The following KCNIP1 variants were observed in gnomAD, a reference collection of about 807,000 sequenced individuals.
KCNIP1 encodes the protein potassium voltage-gated channel interacting protein 1, also known as A-type potassium channel modulatory protein KCNIP1.
KCNIP1 carries 18 observed loss-of-function variants against 33.0 expected under a neutral mutation model. The ratio of observed to expected loss-of-function variants is 0.55; its 90% CI spans 0.38 to 0.81. KCNIP1 has a LOEUF of 0.81. Ranked by LOEUF, KCNIP1 falls within the 30% of genes least tolerant of loss-of-function variation. The pLI is 0.00. For synonymous variants in KCNIP1, 93 were observed against 98.3 expected, an observed-to-expected ratio of 0.95 and a Z score of 0.32; for missense variants, 238 against 271.6, an observed-to-expected ratio of 0.88 and a Z score of 0.87.
intron 1 of KCNIP1, among the ~76,000 whole-genome samples, chr5:170,528,364 G>C (rs1755657724): frequency 6.6e-6 from 1 of 152,210 alleles, no homozygotes; most frequent in Admixed American, 6.5e-5. Flanking sequence ...ACCATCGGGT[G>C]ACTGCAAAGC....
At chr5:170,368,696 T>A (rs565648016) in intron 1 of KCNIP1, among the ~76,000 whole-genome samples, 2 of 152,382 alleles carry the variant, frequency 1.3e-5, no homozygotes, top group South Asian at 4.1e-4. Flanking sequence ...TGGGAACGCA[T>A]GAAAGTTCTG....
chr5:170,472,921 A>T (rs1485802463), intron 1 of KCNIP1, among the ~76,000 whole-genome samples: 6 of 152,092 alleles, frequency 3.9e-5, no homozygotes, highest in Non-Finnish European at 8.8e-5. Context: ...TCATATAAAG[A>T]CTTCTTTTCC....
At chr5:170,659,177 G>T (rs891445778) in intron 1 of KCNIP1, among the ~76,000 whole-genome samples, 5 of 151,882 alleles carry the variant, frequency 3.3e-5, no homozygotes, top group African/African-American at 1.2e-4. Context: ...TTAATCCAAA[G>T]TAGGTGGGCA....
intron 1 of KCNIP1, among the ~76,000 whole-genome samples, chr5:170,580,049 C>T (rs1236560566): frequency 1.3e-5 from 2 of 151,958 alleles, no homozygotes; most frequent in Non-Finnish European, 2.9e-5. Flanking sequence ...GTAGCCTTCT[C>T]TGTTCTAAAT....
chr5:170,433,438 C>T (rs571425107), intron 1 of KCNIP1, among the ~76,000 whole-genome samples: 19 of 152,266 alleles, frequency 1.2e-4, no homozygotes, highest in Admixed American at 1.3e-4. Context: ...CCGCCCGCCT[C>T]GGCACCCCAA....
intron 1 of KCNIP1, chr5:170,354,092 C>A: frequency 2.2e-6 from 2 of 907,952 alleles, no homozygotes; most frequent in South Asian, 1.5e-5. Context: ...AAATTGGTGG[C>A]TGGGATTCGA....
At chr5:170,572,001 C>T (rs1757428391) in intron 1 of KCNIP1, among the ~76,000 whole-genome samples, 1 of 151,964 alleles carries the variant, frequency 6.6e-6, no homozygotes, top group South Asian at 2.1e-4. Context: ...CAAATAGCAC[C>T]CTACGCACAG....
At chr5:170,633,106 G>C (rs191018876) in intron 1 of KCNIP1, among the ~76,000 whole-genome samples, 1 of 152,148 alleles carries the variant, frequency 6.6e-6, no homozygotes, top group East Asian at 1.9e-4. Context: ...AGGGGGTTGC[G>C]AGGGTCACGC....
chr5:170,675,538 T>A (rs1254299221), intron 1 of KCNIP1, among the ~76,000 whole-genome samples: 1 of 152,144 alleles, frequency 6.6e-6, no homozygotes, highest in Non-Finnish European at 1.5e-5. Flanking sequence ...GGGGAATCAC[T>A]TGAACCCAGG....
At chr5:170,572,273 A>G (rs1297806005) in intron 1 of KCNIP1, among the ~76,000 whole-genome samples, 1 of 152,198 alleles carries the variant, frequency 6.6e-6, no homozygotes, top group Non-Finnish European at 1.5e-5. Context: ...AAAATAAACA[A>G]GCCAAATGCA....
chr5:170,406,070 T>C (rs1445571160), intron 1 of KCNIP1, among the ~76,000 whole-genome samples: 1 of 152,232 alleles, frequency 6.6e-6, no homozygotes, highest in Non-Finnish European at 1.5e-5. Flanking sequence ...CTCAGTTCCT[T>C]GTTTGTCTAA....
intron 1 of KCNIP1, among the ~76,000 whole-genome samples, chr5:170,519,964 G>A (rs1035020787): frequency 1.4e-4 from 22 of 152,228 alleles, no homozygotes; most frequent in African/African-American, 4.8e-4. Context: ...ATGAAGAAAT[G>A]AACAGAATCT....
intron 1 of KCNIP1, among the ~76,000 whole-genome samples, chr5:170,695,996 G>C (rs1174165985): frequency 1.4e-5 from 2 of 144,790 alleles, no homozygotes; most frequent in Non-Finnish European, 3.0e-5. Flanking sequence ...TCCAGCCTGG[G>C]ACAGAGCAAG....
chr5:170,430,155 A>C (rs1755708558), intron 1 of KCNIP1, among the ~76,000 whole-genome samples: 1 of 152,238 alleles, frequency 6.6e-6, no homozygotes, highest in Non-Finnish European at 1.5e-5. Context: ...AGGAATCATC[A>C]GTTAAGCCTG....
At chr5:170,435,099 C>T (rs1755830534) in intron 1 of KCNIP1, among the ~76,000 whole-genome samples, 1 of 152,228 alleles carries the variant, frequency 6.6e-6, no homozygotes, top group Non-Finnish European at 1.5e-5. Flanking sequence ...CAATTTCCTC[C>T]TGGTAGCCTG....
At chr5:170,698,159 C>T (rs1236399334) in intron 1 of KCNIP1, among the ~76,000 whole-genome samples, 1 of 152,164 alleles carries the variant, frequency 6.6e-6, no homozygotes, top group African/African-American at 2.4e-5. Flanking sequence ...GTGGTAAGCA[C>T]TGCCGGGTAC....
At position 170,509,890 on chromosome 5, in the gene KCNIP1, G is replaced by A. The variant is rs1754870901; in HGVS notation, c.61+5257G>A. Among the ~76,000 whole-genome samples the A allele has an allele frequency of 2.6e-5, 4 of 152,226 alleles. 1 individual carries two copies. The South Asian group carries it at 8.3e-4, about 32-fold the overall frequency. ...TCACTCTTTTGCTGAAACAAAAGCA[G>A]GGACTGACTCACAGTGATTCCCCTT... On this transcript the variant is annotated intron_variant, in intron 1 of 7. Transcript: ENST00000328939.
intron 1 of KCNIP1, among the ~76,000 whole-genome samples, chr5:170,704,808 C>G (rs1322631340): frequency 6.6e-6 from 1 of 152,212 alleles, no homozygotes; most frequent in African/African-American, 2.4e-5. Context: ...ATAGAGCCCC[C>G]TCCCCCACCA....
intron 1 of KCNIP1, among the ~76,000 whole-genome samples, chr5:170,563,760 C>CCTCCCGGGTTCAAGCGATT: frequency 1.3e-5 from 2 of 152,308 alleles, no homozygotes; most frequent in African/African-American, 4.8e-5. Context: ...CCTGCCTCAG[C>CCTCCCGGGTTCAAGCGATT]CTCCCAAGTA....
Sources: gnomAD v4.1 joint callset for allele counts (sites outside exome capture counted in the v4.1 genomes callset) on GRCh38, gnomAD v4.1.1 for gene constraint, MANE v1.5 for transcripts, NCBI Gene and HGNC (gene_info 2026-07-23, HGNC 2026-07-21) for gene names.